CREB3L3: variants seen among roughly 807,000 people sequenced by gnomAD.
The protein encoded by CREB3L3 is cAMP responsive element binding protein 3 like 3.
CREB3L3 carries 40 observed loss-of-function variants against 44.6 expected under a neutral mutation model. The observed-to-expected ratio is 0.90, with a 90% CI of 0.70 to 1.17. The LOEUF is 1.17. Among genes scored for constraint, CREB3L3 ranks in the 50% most tolerant of loss-of-function variants. CREB3L3 has a pLI of 0.00. For missense variants in CREB3L3, 578 were observed against 595.8 expected (o/e 0.97, Z 0.31); for synonymous variants, 273 against 256.3 (o/e 1.06, Z -0.62).
At chr19:4,167,508 G>GAGAA (rs1555703992) in intron 5 of CREB3L3, among the ~76,000 whole-genome samples, 1 of 120,500 alleles carries the variant, frequency 8.3e-6, no homozygotes, top group Non-Finnish European at 1.6e-5. Flanking sequence ...GAAAGAGAAA[G>GAGAA]AGAGAAAGAG....
intron 4 of CREB3L3, among the ~76,000 whole-genome samples, chr19:4,164,253 A>G (rs768371474): frequency 2.0e-5 from 3 of 151,892 alleles, no homozygotes; most frequent in Middle Eastern, 6.8e-3. Context: ...GATTACAGGC[A>G]TGAGCCACCG....
intron 4 of CREB3L3, 101 bp downstream of exon 4, chr19:4,159,883 C>A: frequency 1.3e-6 from 1 of 742,008 alleles, no homozygotes; most frequent in Non-Finnish European, 2.5e-6. Context: ...AAAACTGAGT[C>A]ACAGAAAGGC....
Position 4,157,173 on chromosome 19 carries a change from G to C in CREB3L3, c.335G>C (p.Gly112Ala), listed in dbSNP as rs776994211. The C allele has an allele frequency of 2.5e-6, 4 of 1,613,770 alleles. No individual in the cohort carries two copies. In the Admixed American group the frequency reaches 6.7e-5, roughly 27 times the overall value. Residue 112 changes from glycine to alanine, a missense_variant, in exon 3 of 10, where the codon GGC becomes GCC. By Grantham distance (60) the Gly-to-Ala change is moderately conservative. Coordinates refer to ENST00000078445, the MANE Select transcript of CREB3L3 (RefSeq NM_032607.3). ...PRSGPATSPAGCHPAQPGKGP... is the reference protein window; with the variant it reads ...PRSGPATSPAACHPAQPGKGP... ...AGCGGACCAGCCACCTCCCCCGCCG[G>C]CTGCCATCCTGCCCAGCCTGGCAAG...
At chr19:4,162,194 C>T (rs1447432412) in intron 4 of CREB3L3, among the ~76,000 whole-genome samples, 2 of 151,938 alleles carry the variant, frequency 1.3e-5, no homozygotes, top group South Asian at 2.1e-4. Flanking sequence ...TTAGTAGAGA[C>T]GGGGTTTCAC....
chr19:4,171,953 C>G lies in CREB3L3; in HGVS notation c.1370C>G (p.Ala457Gly). ...TGSGRAGLEA[A>G]GDEL ...TCAGGACGTGCAGGGCTGGAGGCGG[C>G]GGGAGACGAGCTGTGAGCCCCGCCA... Residue 457 changes from alanine (A) to glycine (G), a missense_variant, in exon 10 of 10, where the codon GCG becomes GGG. Ala to Gly is a moderately conservative substitution (Grantham distance 60). Transcript: ENST00000078445. This position sits in a 1 kb window ranked among gnomAD's most constrained non-coding sequence, Gnocchi z 4.9. 2 of 1,601,260 alleles carry G rather than the reference C, an allele frequency of 1.2e-6. No individual in the cohort carries two copies. Among genetic ancestry groups the G allele is most frequent in the Non-Finnish European group, 1.7e-6 (2 of 1,175,434 alleles).
At chr19:4,170,480 C>T (rs191907675) in intron 7 of CREB3L3, among the ~76,000 whole-genome samples, 9 of 151,408 alleles carry the variant, frequency 5.9e-5, no homozygotes, top group Non-Finnish European at 7.4e-5. Context: ...GGCGTGGTGG[C>T]GGGCACCTGC....
chr19:4,170,923 A>G (rs11085060), intron 7 of CREB3L3, among the ~76,000 whole-genome samples, 168 bp from the exon 8 acceptor site: 5 of 151,434 alleles, frequency 3.3e-5, no homozygotes, highest in African/African-American at 7.3e-5. Flanking sequence ...ATAAATAAAT[A>G]AATAAATAAA....
At position 4,155,767 on chromosome 19, in the gene CREB3L3, G is replaced by C. The variant is rs190494705; in HGVS notation, c.156+740G>C. Among the ~76,000 whole-genome samples the C allele has an allele frequency of 2.1e-3, 185 of 87,152 alleles. 3 individuals carry two copies. The East Asian group carries it at 0.056, about 26-fold the overall frequency. The allele number at this position is 87,152 out of a possible 152,430, so 57.2% of individuals were successfully genotyped here. A position where few individuals can be genotyped will look rare whatever the true frequency, so the allele number is the denominator to read the frequency against. On this transcript the variant is annotated intron_variant, in intron 2 of 9. Coordinates refer to ENST00000078445, the MANE Select transcript of CREB3L3 (RefSeq NM_032607.3). ...TTTTACTCTCTTTTTTTTTTTTTGA[G>C]ATAGAGTTTCACTCTTGTCACCCAG...
intron 3 of CREB3L3, among the ~76,000 whole-genome samples, chr19:4,159,375 TCC>T (rs2041629325): frequency 6.6e-6 from 1 of 152,162 alleles, no homozygotes; most frequent in African/African-American, 2.4e-5. Context: ...GGTCTTGAAC[TCC>T]TAACCTCAGA....
chr19:4,170,332 G>T (rs1329721929), intron 7 of CREB3L3, 124 bp downstream of exon 7: 1 of 923,314 alleles, frequency 1.1e-6, no homozygotes, highest in African/African-American at 1.6e-5. Flanking sequence ...CCTATGGGCC[G>T]CGTGCAGTGG....
At chr19:4,169,150 A>T (rs1212818421) in intron 6 of CREB3L3, among the ~76,000 whole-genome samples, 2 of 152,046 alleles carry the variant, frequency 1.3e-5, no homozygotes, top group African/African-American at 4.8e-5. Context: ...ACAAAAGCTG[A>T]GATCAGAGAG....
At chr19:4,160,916 T>C (rs1380838974) in intron 4 of CREB3L3, among the ~76,000 whole-genome samples, 5 of 126,962 alleles carry the variant, frequency 3.9e-5, no homozygotes, top group East Asian at 2.1e-4. Flanking sequence ...CTTTTCTTTT[T>C]TTTTTTTTTT....
chr19:4,167,268 T>G (rs1966925720), intron 5 of CREB3L3, among the ~76,000 whole-genome samples: 1 of 150,716 alleles, frequency 6.6e-6, no homozygotes, highest in South Asian at 2.1e-4. Flanking sequence ...ACTTGAACCC[T>G]GGGGGTGGAG....
At position 4,171,897 on chromosome 19, in the gene CREB3L3, G is replaced by A. The variant is rs1168675400; in HGVS notation, c.1314G>A (p.Leu438=). ...ATEGLGQVAL[L]DWVAPGPSTG... is the part of the protein sequence containing the mutation. ...AGGGGCTGGGCCAGGTCGCCCTGCT[G>A]GACTGGGTGGCGCCTGGGCCGAGCA... The change falls in exon 10 of 10, where the codon CTG becomes CTA. Residue 438 remains leucine (L), a synonymous_variant. Coordinates refer to ENST00000078445, the MANE Select transcript of CREB3L3 (RefSeq NM_032607.3). This position sits in a 1 kb window ranked among gnomAD's most constrained non-coding sequence, Gnocchi z 4.9. 1.9e-6 allele frequency: 3 copies of A among 1,612,542 alleles called. No homozygotes were observed. The highest frequency in any genetic ancestry group is 2.7e-5 in the African/African-American group (2 of 74,926).
At chr19:4,168,237 G>A (rs1966965524) in intron 5 of CREB3L3, 114 bp from the exon 6 acceptor site, 4 of 695,310 alleles carry the variant, frequency 5.8e-6, no homozygotes, top group Non-Finnish European at 1.0e-5. Flanking sequence ...GACCTCAGGT[G>A]ATACGCCTGC....
intron 6 of CREB3L3, 47 bp from the exon 7 acceptor site, chr19:4,170,093 C>G: frequency 6.4e-7 from 1 of 1,568,542 alleles, no homozygotes; most frequent in Non-Finnish European, 8.8e-7. Context: ...GTGGGGCCAG[C>G]TGGTGACTGG....
intron 4 of CREB3L3, among the ~76,000 whole-genome samples, chr19:4,160,139 T>C (rs1462865605): frequency 6.6e-6 from 1 of 151,212 alleles, no homozygotes; most frequent in African/African-American, 2.4e-5. Flanking sequence ...ATACAAAAAA[T>C]ACAAAAATTA....
intron 2 of CREB3L3, among the ~76,000 whole-genome samples, chr19:4,155,647 C>T (rs1200181435): frequency 2.0e-5 from 3 of 151,866 alleles, no homozygotes; most frequent in East Asian, 1.9e-4. Context: ...TGTGCCACCG[C>T]GCCCGGCCCA....
intron 4 of CREB3L3, among the ~76,000 whole-genome samples, chr19:4,163,861 G>T (rs1163913305): frequency 6.9e-6 from 1 of 144,034 alleles, no homozygotes; most frequent in African/African-American, 2.6e-5. Flanking sequence ...CTGGAGTGCA[G>T]TGGTGTGATC....
Sources: gnomAD v4.1 joint callset for allele counts (sites outside exome capture counted in the v4.1 genomes callset) on GRCh38, gnomAD v4.1.1 for gene constraint, Gnocchi (gnomAD v3.1) non-coding constraint, MANE v1.5 for transcripts, NCBI Gene and HGNC (gene_info 2026-07-23, HGNC 2026-07-21) for gene names.